Variants in EYS observed in about 807,000 individuals in gnomAD.
The protein encoded by EYS is protein eyes shut homolog.
Under a neutral mutation model 282.1 loss-of-function variants are expected in EYS, and 250 were observed. The observed-to-expected ratio is 0.89, with a 90% CI of 0.80 to 0.98. The LOEUF is 0.98. Ranked by LOEUF, EYS falls within the 50% of genes least tolerant of loss-of-function variation. EYS has a pLI of 0.00. For missense variants in EYS, 4,016 were observed against 3,709.0 expected, an observed-to-expected ratio of 1.08 and a Z score of -2.15; for synonymous variants, 1,355 against 1,282.9, an observed-to-expected ratio of 1.06 and a Z score of -1.20.
chr6:65,030,366 CTGCCAGCA>C (rs954540468), intron 13 of EYS, among the ~76,000 whole-genome samples: 1 of 152,120 alleles, frequency 6.6e-6, no homozygotes, highest in African/African-American at 2.4e-5. Context: ...AGACAGACTA[CTGCCAGCA>C]TGCACCCAAC....
chr6:63,737,731 G>A (rs1768957117), intron 41 of EYS, among the ~76,000 whole-genome samples: 1 of 145,674 alleles, frequency 6.9e-6, no homozygotes, highest in South Asian at 2.2e-4. Flanking sequence ...ACTCTTTTTG[G>A]TTGGTAAGCT....
chr6:64,134,238 A>AT (rs1459410687), intron 31 of EYS, among the ~76,000 whole-genome samples: 1 of 152,086 alleles, frequency 6.6e-6, no homozygotes, highest in East Asian at 1.9e-4. Flanking sequence ...GATAAGAGCT[A>AT]TTTTTATAAT....
At chr6:63,823,194 CT>C (rs1413429374) in intron 36 of EYS, among the ~76,000 whole-genome samples, 1 of 152,078 alleles carries the variant, frequency 6.6e-6, no homozygotes, top group East Asian at 1.9e-4. Context: ...TTTCTCCCCC[CT>C]ACAGGCATTT....
chr6:65,101,883 TATCCAAA>T (rs1774903391), intron 12 of EYS, among the ~76,000 whole-genome samples: 2 of 151,266 alleles, frequency 1.3e-5, no homozygotes, highest in Admixed American at 1.3e-4. Flanking sequence ...TAGTGCTCGC[TATCCAAA>T]ATCATGCACT....
intron 31 of EYS, among the ~76,000 whole-genome samples, chr6:64,124,833 A>G (rs1773708066): frequency 6.6e-6 from 1 of 152,026 alleles, no homozygotes. Context: ...GGGAGTTGGA[A>G]GAAGTGAGGA....
intron 19 of EYS, among the ~76,000 whole-genome samples, chr6:64,841,967 C>A (rs1466508778): frequency 1.3e-5 from 2 of 152,018 alleles, no homozygotes; most frequent in Non-Finnish European, 2.9e-5. Flanking sequence ...TGTCAATAAG[C>A]CCAATTTCTT....
intron 34 of EYS, among the ~76,000 whole-genome samples, chr6:63,989,790 C>T (rs529788582): frequency 1.3e-5 from 2 of 151,500 alleles, no homozygotes; most frequent in South Asian, 4.2e-4. Flanking sequence ...TACAAGATCC[C>T]ACTCAGAATA....
intron 29 of EYS, among the ~76,000 whole-genome samples, chr6:64,325,290 T>C (rs1230472189): frequency 6.6e-6 from 1 of 152,126 alleles, no homozygotes; most frequent in African/African-American, 2.4e-5. Context: ...AGGCTTGCTG[T>C]GTAGCTAGAT....
rs909788726 is a variant in EYS, at chr6:64,516,478, A to AT, written c.5644+73744dup. 2.5e-3 allele frequency among the ~76,000 whole-genome samples: 375 copies of AT among 151,796 alleles called. 2 individuals carry two copies. The highest frequency in any genetic ancestry group is 8.5e-3 in the African/African-American group (354 of 41,450). On this transcript the variant is annotated intron_variant, in intron 26 of 42. Transcript: ENST00000503581. ...AGTTAAATAAATTTTTCAAAATAATATTTTTTTTAAATCACAAAATTGATT... is the reference window on the plus strand; with the variant it reads ...AGTTAAATAAATTTTTCAAAATAATATTTTTTTTTAAATCACAAAATTGATT...
chr6:64,200,690 C>G (rs2150322142), intron 31 of EYS, among the ~76,000 whole-genome samples: 1 of 152,240 alleles, frequency 6.6e-6, no homozygotes, highest in East Asian at 1.9e-4. Flanking sequence ...CTGATAAAGG[C>G]AATGGCTGTG....
intron 2 of EYS, among the ~76,000 whole-genome samples, chr6:65,589,502 T>C (rs1487831658): frequency 1.3e-5 from 2 of 151,952 alleles, no homozygotes; most frequent in African/African-American, 4.8e-5. Context: ...ACTCACTACC[T>C]CTCTAGGTAG....
chr6:64,681,273 G>A (rs1562130296), intron 22 of EYS, among the ~76,000 whole-genome samples: 1 of 152,184 alleles, frequency 6.6e-6, no homozygotes, highest in Admixed American at 6.5e-5. Context: ...CACCTAGTGA[G>A]TAGAATTTTT....
intron 11 of EYS, among the ~76,000 whole-genome samples, chr6:65,300,475 G>GT (rs765149521): frequency 8.6e-5 from 13 of 152,008 alleles, no homozygotes; most frequent in East Asian, 3.9e-4. Flanking sequence ...AAGTTTTGGA[G>GT]TTTTTTTCAA....
At chr6:65,254,569 G>T (rs1767410747) in intron 12 of EYS, among the ~76,000 whole-genome samples, 1 of 151,802 alleles carries the variant, frequency 6.6e-6, no homozygotes. Context: ...AGATTCCAAA[G>T]TTATTGTGGA....
intron 12 of EYS, among the ~76,000 whole-genome samples, chr6:65,183,329 A>T (rs1175346386): frequency 6.6e-6 from 1 of 151,930 alleles, no homozygotes; most frequent in Non-Finnish European, 1.5e-5. Context: ...AGCTTTGCTG[A>T]GTACCTTTTA....
chr6:65,412,020 G>T (rs1767038633), intron 5 of EYS, among the ~76,000 whole-genome samples: 1 of 151,868 alleles, frequency 6.6e-6, no homozygotes, highest in Non-Finnish European at 1.5e-5. Flanking sequence ...GGGAATTTTG[G>T]GATGTAATTA....
intron 28 of EYS, among the ~76,000 whole-genome samples, chr6:64,423,795 A>G (rs1679463479): frequency 6.6e-6 from 1 of 152,106 alleles, no homozygotes; most frequent in Non-Finnish European, 1.5e-5. Context: ...ACGACAGAGC[A>G]AGACTCCATC....
At chr6:65,332,336 G>C (rs149720492) in intron 11 of EYS, 1 of 756,614 alleles carries the variant, frequency 1.3e-6, no homozygotes, top group African/African-American at 1.7e-5. Context: ...ATATTCTTAC[G>C]ATAAATCCCA....
At chr6:64,089,195 A>T (rs1772266338) in intron 31 of EYS, among the ~76,000 whole-genome samples, 1 of 151,892 alleles carries the variant, frequency 6.6e-6, no homozygotes, top group Middle Eastern at 3.4e-3. Flanking sequence ...TTTTCCACTT[A>T]TGAGTCTAAT....
Sources: gnomAD v4.1 joint callset for allele counts (sites outside exome capture counted in the v4.1 genomes callset) on GRCh38, gnomAD v4.1.1 for gene constraint, MANE v1.5 for transcripts, NCBI Gene and HGNC (gene_info 2026-07-23, HGNC 2026-07-21) for gene names.